PHF21A: variants seen among roughly 807,000 people sequenced by gnomAD.
PHF21A encodes PHD finger protein 21A, also known as BHC80a.
PHF21A carries 11 observed loss-of-function variants against 82.5 expected under a neutral mutation model. That is an observed-to-expected ratio of 0.13 (90% CI 0.08 to 0.22). The LOEUF (loss-of-function observed/expected upper bound fraction) is 0.22. PHF21A is among the 10% of genes least tolerant of loss of function. The pLI, the probability that PHF21A is intolerant of heterozygous loss-of-function variation, is 1.00. For synonymous variants in PHF21A, 297 were observed against 302.8 expected (o/e 0.98, Z 0.20); for missense variants, 579 against 837.8 (o/e 0.69, Z 3.81).
intron 6 of PHF21A, among the ~76,000 whole-genome samples, chr11:46,056,880 C>T (rs1340984014): frequency 6.6e-6 from 1 of 152,016 alleles, no homozygotes; most frequent in African/African-American, 2.4e-5. Flanking sequence ...AAAACAATTA[C>T]ATTATTTACA....
intron 10 of PHF21A, among the ~76,000 whole-genome samples, chr11:45,958,241 C>T (rs974466373): frequency 1.3e-5 from 2 of 149,730 alleles, no homozygotes; most frequent in Non-Finnish European, 3.0e-5. Context: ...TTAAATCATT[C>T]TATGAGGCCA....
intron 6 of PHF21A, among the ~76,000 whole-genome samples, chr11:46,005,691 T>A (rs973922408): frequency 2.8e-4 from 43 of 152,294 alleles, no homozygotes; most frequent in African/African-American, 1.0e-3. Context: ...AGGGGAACCA[T>A]CAGCACCAAC....
At chr11:45,953,346 C>T (rs1407873686) in intron 11 of PHF21A, among the ~76,000 whole-genome samples, 181 bp downstream of exon 11, 2 of 152,020 alleles carry the variant, frequency 1.3e-5, no homozygotes, top group African/African-American at 4.8e-5. Flanking sequence ...CTCAAGACTA[C>T]AGTCTAAGAA....
At chr11:46,013,799 A>G (rs1439532000) in intron 6 of PHF21A, among the ~76,000 whole-genome samples, 1 of 152,172 alleles carries the variant, frequency 6.6e-6, no homozygotes, top group African/African-American at 2.4e-5. Flanking sequence ...GTATCTAAAT[A>G]TATCTAAAAA....
chr11:46,038,108 TC>T (rs2096053584), intron 6 of PHF21A, among the ~76,000 whole-genome samples: 2 of 152,024 alleles, frequency 1.3e-5, no homozygotes, highest in South Asian at 4.1e-4. Flanking sequence ...ACTTGTATAC[TC>T]CTATTTCTCT....
At chr11:46,101,067 T>C (rs2097089954) in intron 1 of PHF21A, among the ~76,000 whole-genome samples, 2 of 152,228 alleles carry the variant, frequency 1.3e-5, no homozygotes, top group East Asian at 1.9e-4. Flanking sequence ...GTCCTGCTTA[T>C]GCTAAGAAAT....
chr11:46,109,384 A>C (rs1475508706), intron 1 of PHF21A, among the ~76,000 whole-genome samples: 2 of 152,244 alleles, frequency 1.3e-5, no homozygotes, highest in Non-Finnish European at 2.9e-5. Flanking sequence ...GATAAACCTA[A>C]GGTACAAAAA....
intron 6 of PHF21A, among the ~76,000 whole-genome samples, chr11:46,002,618 A>AT (rs2095169344): frequency 6.6e-6 from 1 of 152,108 alleles, no homozygotes; most frequent in South Asian, 2.1e-4. Flanking sequence ...TACGTCACAG[A>AT]TATTACCATT....
At chr11:46,004,117 A>T (rs1425858470) in intron 6 of PHF21A, among the ~76,000 whole-genome samples, 1 of 152,206 alleles carries the variant, frequency 6.6e-6, no homozygotes, top group African/African-American at 2.4e-5. Context: ...ATACCAATGA[A>T]TAAAATCCTG....
chr11:46,015,501 T>C (rs189526687), intron 6 of PHF21A, among the ~76,000 whole-genome samples: 29 of 152,240 alleles, frequency 1.9e-4, no homozygotes, highest in Admixed American at 7.8e-4. Context: ...TCTTCAATAA[T>C]AAATTAACCT....
At chr11:45,963,836 T>C (rs963059683) in intron 10 of PHF21A, among the ~76,000 whole-genome samples, 7 of 152,174 alleles carry the variant, frequency 4.6e-5, no homozygotes, top group African/African-American at 1.7e-4. Flanking sequence ...CATCTGACTC[T>C]CAGTAGTTTA....
In PHF21A at chr11:45,933,271, T is replaced by G. The variant is rs1427733194; in HGVS notation, c.*697A>C. 6.6e-6 allele frequency: 1 copy of G among 152,520 alleles called. No individual in the cohort carries two copies. The highest frequency in any genetic ancestry group is 2.4e-5 in the African/African-American group (1 of 41,394). 9.4% of individuals were successfully genotyped at this position (152,520 alleles called of 1,614,324 possible). A position where few individuals can be genotyped will look rare whatever the true frequency, so the allele number is the denominator to read the frequency against. ...GGGAAGGAAGGAGACTGGGCAGGCT[T>G]CAGGAGTGGTGGGGTTACCGCGCAG... is the stretch of plus-strand genomic sequence containing the variant. On this transcript the variant is annotated 3_prime_UTR_variant, in exon 19 of 19. Coordinates refer to ENST00000676320, the MANE Select transcript of PHF21A (RefSeq NM_001352027.3).
chr11:46,093,197 TTC>T (rs2096948439), intron 1 of PHF21A, among the ~76,000 whole-genome samples: 1 of 152,248 alleles, frequency 6.6e-6, no homozygotes. Context: ...ATTAAAACTT[TTC>T]CCTTAATATT....
chr11:45,969,944 T>A, intron 8 of PHF21A, 40 bp from the exon 9 acceptor site: 1 of 1,224,940 alleles, frequency 8.2e-7, no homozygotes, highest in Non-Finnish European at 1.2e-6. Flanking sequence ...AGAGAACAAT[T>A]ACTCTTCAAT....
At chr11:46,054,919 A>G (rs1323079491) in intron 6 of PHF21A, among the ~76,000 whole-genome samples, 1 of 152,196 alleles carries the variant, frequency 6.6e-6, no homozygotes, top group East Asian at 1.9e-4. Context: ...AAGGAAAAAA[A>G]GTCATACAAA....
Position 46,046,694 on chromosome 11 carries a change from C to T in PHF21A, c.153+30060G>A, listed in dbSNP as rs555683239. Among the ~76,000 whole-genome samples the T allele has an allele frequency of 5.7e-4, 86 of 152,186 alleles. 1 individual carries two copies. The highest frequency in any genetic ancestry group is 1.0e-3 in the Non-Finnish European group (68 of 68,004). ...AAATAATATTAAATGATGATGGCAG[C>T]GGTGAAGATCTAGGTGGTAATGCAG... On this transcript the variant is annotated intron_variant, in intron 6 of 18. Transcript: ENST00000676320.
At chr11:46,106,531 T>C (rs950153741) in intron 1 of PHF21A, among the ~76,000 whole-genome samples, 2 of 152,140 alleles carry the variant, frequency 1.3e-5, no homozygotes, top group Admixed American at 1.3e-4. Context: ...ATAGAATAAT[T>C]CAAGTTACAA....
chr11:46,058,934 G>A lies in PHF21A; in HGVS notation c.153+17820C>T, dbSNP rs185959288. ...TCAATCTCTAGACAGCAGAAATGAA[G>A]CAGAAGCAAAGAAAGATGAAGAGAC... On this transcript the variant is annotated intron_variant, in intron 6 of 18. Transcript: ENST00000676320. Among the ~76,000 whole-genome samples, 172 of 152,232 alleles carry A rather than the reference G, an allele frequency of 1.1e-3. 1 individual carries two copies. The highest frequency in any genetic ancestry group is 3.8e-3 in the African/African-American group (159 of 41,526).
intron 1 of PHF21A, among the ~76,000 whole-genome samples, chr11:46,116,095 C>T (rs2097286095): frequency 6.6e-6 from 1 of 152,126 alleles, no homozygotes; most frequent in African/African-American, 2.4e-5. Flanking sequence ...TCCTAATTAT[C>T]TATATTTTAC....
Sources: gnomAD v4.1 joint callset for allele counts (sites outside exome capture counted in the v4.1 genomes callset) on GRCh38, gnomAD v4.1.1 for gene constraint, MANE v1.5 for transcripts, NCBI Gene and HGNC (gene_info 2026-07-23, HGNC 2026-07-21) for gene names.